The following GPD1L variants were observed in gnomAD, a reference collection of about 807,000 sequenced individuals.
GPD1L encodes glycerol-3-phosphate dehydrogenase 1-like protein.
GPD1L carries 17 observed loss-of-function variants against 32.9 expected under a neutral mutation model. That is an observed-to-expected ratio of 0.52 (90% CI 0.35 to 0.78). The LOEUF (loss-of-function observed/expected upper bound fraction) is 0.78, where lower values mean the gene tolerates loss of function less well. Among genes scored for constraint, GPD1L ranks in the 30% least tolerant of loss-of-function variants. The probability of loss-of-function intolerance (pLI) is 0.01; values close to 1 mark genes in which losing one functional copy is unlikely to be tolerated. For missense variants in GPD1L, 361 were observed against 447.8 expected (o/e 0.81, Z 1.75); for synonymous variants, 187 against 165.9 (o/e 1.13, Z -0.98).
intron 2 of GPD1L, among the ~76,000 whole-genome samples, chr3:32,132,435 A>C (rs1304110915): frequency 1.3e-5 from 2 of 152,096 alleles, no homozygotes; most frequent in Non-Finnish European, 2.9e-5. Context: ...GCAAGACTTA[A>C]AAAAAAATTA....
At chr3:32,161,842 A>G (rs1325399070) in intron 7 of GPD1L, among the ~76,000 whole-genome samples, 1 of 152,198 alleles carries the variant, frequency 6.6e-6, no homozygotes, top group African/African-American at 2.4e-5. Flanking sequence ...TGGACGTGGC[A>G]GCACCCTTCT....
chr3:32,155,187 G>A (rs987444707), intron 5 of GPD1L, among the ~76,000 whole-genome samples: 2 of 152,144 alleles, frequency 1.3e-5, no homozygotes, highest in African/African-American at 2.4e-5. Context: ...GGGACAGAGC[G>A]GGCTGCAAAG....
intron 3 of GPD1L, 119 bp downstream of exon 3, chr3:32,138,846 G>A (rs1223894991): frequency 1.9e-6 from 2 of 1,065,614 alleles, no homozygotes; most frequent in Non-Finnish European, 2.8e-6. Context: ...TTTTTCGTTT[G>A]TGTTCTTAAA....
At chr3:32,138,281 G>C (rs1336894623) in intron 2 of GPD1L, among the ~76,000 whole-genome samples, 3 of 152,196 alleles carry the variant, frequency 2.0e-5, no homozygotes, top group Non-Finnish European at 4.4e-5. Context: ...GGATGAGGGG[G>C]CTGGTGAGGT....
Position 32,168,178 on chromosome 3 carries a change from C to A in GPD1L, c.*2268C>A, listed in dbSNP as rs1275269389. ...AAGTCTGCTGACTGTGTCTCTTGAA[C>A]ATACTTAGGATATTCTGCACATTAT... On this transcript the variant is annotated 3_prime_UTR_variant, in exon 8 of 8. Transcript: ENST00000282541. The A allele has an allele frequency of 3.4e-3, 514 of 152,556 alleles. No homozygotes were observed. The highest frequency in any genetic ancestry group is 8.1e-3 in the Admixed American group (124 of 15,294). 9.5% of individuals were successfully genotyped at this position (152,556 alleles called of 1,614,324 possible). A position where few individuals can be genotyped will look rare whatever the true frequency, so the allele number is the denominator to read the frequency against.
In GPD1L at chr3:32,143,015, GAA is replaced by G. The variant is rs879381885; in HGVS notation, c.505+2659_505+2660del. The stretch of plus-strand genomic sequence containing the variant: ...AATGTAGCTGGGAGTTTCCAAAAAA[GAA>G]AAAAAAAAATTTTTTAATTAGCCTG... On this transcript the variant is annotated intron_variant, in intron 4 of 7. Transcript: ENST00000282541. 7.9e-3 allele frequency among the ~76,000 whole-genome samples: 1,153 copies of G among 146,036 alleles called. 5 individuals carry two copies. Among genetic ancestry groups the G allele is most frequent in the African/African-American group, 0.013 (514 of 39,428 alleles).
rs1463613511 is a variant in GPD1L at position 32,146,722 on chromosome 3, T to C, written c.606T>C (p.Cys202=). The C allele has an allele frequency of 1.2e-6, 2 of 1,603,736 alleles. No individual in the cohort carries two copies. The highest frequency in any genetic ancestry group is 1.7e-6 in the Non-Finnish European group (2 of 1,170,656). ...ATGATGCAGACACTGTTGAACTCTGTGGTGCGCTTAAGGTAAAGTCAGCCT... is the reference window on the plus strand; with the variant it reads ...ATGATGCAGACACTGTTGAACTCTGCGGTGCGCTTAAGGTAAAGTCAGCCT... The part of the protein sequence containing the change: ...VVDDADTVEL[C]GALKNIVAVG... Residue 202 remains cysteine (C), a synonymous_variant, in exon 5 of 8, where the codon TGT becomes TGC. Coordinates refer to ENST00000282541, the MANE Select transcript of GPD1L (RefSeq NM_015141.4).
chr3:32,110,661 C>G (rs1290337124), intron 1 of GPD1L, among the ~76,000 whole-genome samples: 1 of 152,166 alleles, frequency 6.6e-6, no homozygotes, highest in East Asian at 1.9e-4. Flanking sequence ...TGGTGAAGCT[C>G]ATTTTCTCTA....
intron 5 of GPD1L, among the ~76,000 whole-genome samples, chr3:32,148,066 G>A (rs1559579606): frequency 6.6e-6 from 1 of 152,274 alleles, no homozygotes; most frequent in East Asian, 1.9e-4. Context: ...GTTTATTTTT[G>A]TTGGTTGAGA....
rs185760214 is a variant in GPD1L at position 32,139,849 on chromosome 3, C to G, written c.367-379C>G. Among the ~76,000 whole-genome samples the G allele has an allele frequency of 5.3e-5, 8 of 152,120 alleles. No individual in the cohort carries two copies. In the East Asian group the frequency reaches 1.5e-3, roughly 29 times the overall value. ...ACAACTCTCTTTATAGACTTGAAAC[C>G]CCAGGGATAATGACGTATAACATTG... On this transcript the variant is annotated intron_variant, in intron 3 of 7. Transcript: ENST00000282541.
At chr3:32,139,427 A>G (rs1271026724) in intron 3 of GPD1L, among the ~76,000 whole-genome samples, 1 of 152,224 alleles carries the variant, frequency 6.6e-6, no homozygotes, top group African/African-American at 2.4e-5. Flanking sequence ...TTAATAAAAC[A>G]GTGCATATAT....
chr3:32,160,296 T>G (rs1701058701), intron 7 of GPD1L, among the ~76,000 whole-genome samples: 1 of 71,390 alleles, frequency 1.4e-5, no homozygotes, highest in African/African-American at 5.4e-5. Context: ...GATGGGTGAG[T>G]GGATGGGTGG....
chr3:32,138,848 G>C lies in GPD1L; in HGVS notation c.366+121G>C. On this transcript the variant is annotated intron_variant, in intron 3 of 7. Coordinates refer to ENST00000282541, the MANE Select transcript of GPD1L (RefSeq NM_015141.4). ...GAAGTTGTGGCGGTTTTTCGTTTGTGTTCTTAAAGATGCTCAAAAGTCATA... is the reference window on the plus strand; with the variant it reads ...GAAGTTGTGGCGGTTTTTCGTTTGTCTTCTTAAAGATGCTCAAAAGTCATA... 5 of 1,019,670 alleles carry C rather than the reference G, an allele frequency of 4.9e-6. No homozygotes were observed. The South Asian group carries it at 6.7e-5, about 14-fold the overall frequency. The allele number at this position is 1,019,670 out of a possible 1,614,324, so 63.2% of individuals were successfully genotyped here. A position where few individuals can be genotyped will look rare whatever the true frequency, so the allele number is the denominator to read the frequency against.
At chr3:32,108,792 G>A (rs1009723224) in intron 1 of GPD1L, among the ~76,000 whole-genome samples, 1 of 152,204 alleles carries the variant, frequency 6.6e-6, no homozygotes, top group African/African-American at 2.4e-5. Flanking sequence ...AATAGAGTTG[G>A]TAGCTTGCTG....
chr3:32,110,939 C>T (rs1015142559), intron 1 of GPD1L, among the ~76,000 whole-genome samples: 8 of 152,222 alleles, frequency 5.3e-5, no homozygotes, highest in Non-Finnish European at 8.8e-5. Context: ...CATCTTGGCT[C>T]ACTGCAACCT....
At chr3:32,111,292 AG>A in intron 1 of GPD1L, among the ~76,000 whole-genome samples, 1 of 152,254 alleles carries the variant, frequency 6.6e-6, no homozygotes, top group Non-Finnish European at 1.5e-5. Context: ...GCATATGTCC[AG>A]AAACACATCC....
chr3:32,121,661 A>G lies in GPD1L; in HGVS notation c.48-6415A>G, dbSNP rs182213994. ...CTATATATATAATATATATATTTCT[A>G]TATATATTTCTATGTGTATATTTCT... On this transcript the variant is annotated intron_variant, in intron 1 of 7. Coordinates refer to ENST00000282541, the MANE Select transcript of GPD1L (RefSeq NM_015141.4). 3.6e-3 allele frequency among the ~76,000 whole-genome samples: 487 copies of G among 135,926 alleles called. 7 individuals are homozygous for G. The highest frequency in any genetic ancestry group is 0.013 in the African/African-American group (463 of 36,040). 89.2% of individuals were successfully genotyped at this position (135,926 alleles called of 152,430 possible).
At chr3:32,153,104 G>A (rs571284983) in intron 5 of GPD1L, among the ~76,000 whole-genome samples, 98 of 152,294 alleles carry the variant, frequency 6.4e-4, no homozygotes, top group Non-Finnish European at 1.2e-3. Flanking sequence ...CAGGCTGGTG[G>A]TGTTCCTTTG....
intron 5 of GPD1L, 110 bp downstream of exon 5, chr3:32,146,844 A>G: frequency 1.3e-6 from 1 of 773,154 alleles, no homozygotes; most frequent in South Asian, 1.4e-5. Flanking sequence ...TCAGCGAAGA[A>G]TAGTGAATTG....
Sources: allele counts gnomAD v4.1 joint callset (sites outside exome capture counted in the v4.1 genomes callset), GRCh38; gene constraint gnomAD v4.1.1; transcripts MANE v1.5; gene names NCBI Gene and HGNC (gene_info 2026-07-23, HGNC 2026-07-21).